TIAM1: variants seen among roughly 807,000 people sequenced by gnomAD.
The protein encoded by TIAM1 is rho guanine nucleotide exchange factor TIAM1.
TIAM1 carries 65 observed loss-of-function variants against 163.5 expected under a neutral mutation model. The observed-to-expected ratio is 0.40, with a 90% CI of 0.33 to 0.49. The LOEUF (loss-of-function observed/expected upper bound fraction) is 0.49, where lower values mean the gene tolerates loss of function less well. Ranked by LOEUF, TIAM1 falls within the 20% of genes least tolerant of loss-of-function variation. The probability of loss-of-function intolerance (pLI) is 0.77; values close to 1 mark genes in which losing one functional copy is unlikely to be tolerated. For synonymous variants in TIAM1, 833 were observed against 810.1 expected, an observed-to-expected ratio of 1.03 and a Z score of -0.48; for missense variants, 1,789 against 2,044.7, an observed-to-expected ratio of 0.87 and a Z score of 2.41.
chr21:31,552,543 G>C, intron 1 of TIAM1, among the ~76,000 whole-genome samples: 1 of 152,136 alleles, frequency 6.6e-6, no homozygotes, highest in Non-Finnish European at 1.5e-5. Context: ...GGAGGCCGGG[G>C]CAGGCAGATC....
chr21:31,383,321 G>C (rs2076810951), intron 2 of TIAM1, among the ~76,000 whole-genome samples: 1 of 152,268 alleles, frequency 6.6e-6, no homozygotes, highest in South Asian at 2.1e-4. Flanking sequence ...GCCCTGTCAT[G>C]ATCTAAACAT....
At chr21:31,125,330 C>G (rs139567492) in intron 26 of TIAM1, among the ~76,000 whole-genome samples, 369 of 151,962 alleles carry the variant, frequency 2.4e-3, no homozygotes, top group Middle Eastern at 0.014. Context: ...ACAATAAATA[C>G]GGCATCCGTG....
chr21:31,238,998 T>C (rs903887397), intron 6 of TIAM1, among the ~76,000 whole-genome samples: 3 of 152,216 alleles, frequency 2.0e-5, no homozygotes, highest in African/African-American at 7.2e-5. Flanking sequence ...TGGTATACAA[T>C]AAGGGCTAAG....
chr21:31,245,374 A>T (rs558645157), intron 6 of TIAM1, 114 bp downstream of exon 6: 25,596 of 186,436 alleles, frequency 0.14, 1,018 homozygotes, highest in East Asian at 0.39. Flanking sequence ...CTCACCACTA[A>T]AAAAAAAAAA....
chr21:31,234,757 G>A (rs1002153533), intron 6 of TIAM1, among the ~76,000 whole-genome samples: 2 of 141,598 alleles, frequency 1.4e-5, no homozygotes, highest in African/African-American at 5.3e-5. Context: ...ACTCCAGCCT[G>A]GGCGACAGAG....
Position 31,431,030 on chromosome 21 carries a change from T to G in TIAM1, c.-369+32953A>C, listed in dbSNP as rs1008360151. ...AGTAATAATAAGAACATAATGACAA[T>G]AATAATAATTCTCATCCCCAGAGGT... On this transcript the variant is annotated intron_variant, in intron 2 of 28. Coordinates refer to the TIAM1 transcript ENST00000286827. 3.3e-5 allele frequency among the ~76,000 whole-genome samples: 5 copies of G among 152,110 alleles called. No homozygotes were observed. The East Asian group carries it at 7.7e-4, about 23-fold the overall frequency.
chr21:31,228,364 T>C (rs1424860950), intron 6 of TIAM1, among the ~76,000 whole-genome samples: 1 of 150,962 alleles, frequency 6.6e-6, no homozygotes, highest in African/African-American at 2.4e-5. Context: ...AGTAAACTTG[T>C]ACAACTGCTT....
chr21:31,223,761 T>C (rs1004184519), intron 7 of TIAM1, among the ~76,000 whole-genome samples, 170 bp from the exon 8 acceptor site: 3 of 152,226 alleles, frequency 2.0e-5, no homozygotes, highest in Non-Finnish European at 4.4e-5. Flanking sequence ...GCAAGATCTA[T>C]AGCCATAAAT....
upstream of TIAM1, among the ~76,000 whole-genome samples, chr21:31,348,979 G>A (rs985869403): frequency 2.0e-5 from 3 of 152,262 alleles, no homozygotes; most frequent in African/African-American, 4.8e-5. Context: ...GCCAAAAAGA[G>A]GCCAGGAAAC....
chr21:31,438,129 G>A (rs189426971), intron 2 of TIAM1, among the ~76,000 whole-genome samples: 6 of 148,768 alleles, frequency 4.0e-5, no homozygotes, highest in East Asian at 2.0e-4. Flanking sequence ...GTCCCAAGAC[G>A]TGACCATGTT....
intron 15 of TIAM1, among the ~76,000 whole-genome samples, chr21:31,165,914 C>A (rs2084191824): frequency 6.6e-6 from 1 of 152,324 alleles, no homozygotes; most frequent in Non-Finnish European, 1.5e-5. Flanking sequence ...CCATGATATT[C>A]TGTGCAAAAG....
intron 2 of TIAM1, among the ~76,000 whole-genome samples, chr21:31,418,341 CA>C (rs71193114): frequency 0.15 from 5,231 of 34,606 alleles, 55 homozygotes; most frequent in African/African-American, 0.3. Context: ...GACTCTGTCT[CA>C]AAAAAAAAAA....
intron 2 of TIAM1, among the ~76,000 whole-genome samples, chr21:31,358,735 A>G (rs1285967454): frequency 1.3e-5 from 2 of 152,070 alleles, no homozygotes; most frequent in Non-Finnish European, 2.9e-5. Flanking sequence ...ATTCTCTACT[A>G]GATTACGACA....
chr21:31,152,571 G>C, intron 19 of TIAM1, 65 bp downstream of exon 19: 2 of 1,595,700 alleles, frequency 1.3e-6, no homozygotes, highest in South Asian at 2.3e-5. Context: ...ACATCAACAC[G>C]ATCAGGGGAT....
At chr21:31,259,906 C>T (rs990604346) in intron 4 of TIAM1, among the ~76,000 whole-genome samples, 9 of 151,638 alleles carry the variant, frequency 5.9e-5, no homozygotes, top group African/African-American at 2.2e-4. Context: ...GAAAACAATG[C>T]CTCTGTCCCA....
chr21:31,144,832 A>AG (rs2083032508), intron 20 of TIAM1, among the ~76,000 whole-genome samples: 1 of 101,910 alleles, frequency 9.8e-6, no homozygotes, highest in Admixed American at 9.6e-5. Context: ...CCATCTCAGA[A>AG]AAAAAAAAAA....
chr21:31,500,991 A>C (rs2046828747), intron 1 of TIAM1, among the ~76,000 whole-genome samples: 1 of 152,224 alleles, frequency 6.6e-6, no homozygotes, highest in Non-Finnish European at 1.5e-5. Context: ...TACAAAGGCA[A>C]CTAATAAATA....
chr21:31,125,602 T>C (rs2082167182), intron 26 of TIAM1, among the ~76,000 whole-genome samples: 2 of 152,126 alleles, frequency 1.3e-5, no homozygotes, highest in Non-Finnish European at 2.9e-5. Flanking sequence ...TGACACAGAG[T>C]CTCGCTCTGT....
chr21:31,296,145 T>G (rs970983588), intron 2 of TIAM1, among the ~76,000 whole-genome samples: 2 of 152,186 alleles, frequency 1.3e-5, no homozygotes, highest in African/African-American at 4.8e-5. Flanking sequence ...AGGAAAATAG[T>G]ATGATCATTT....
Sources: gnomAD v4.1 joint callset for allele counts (sites outside exome capture counted in the v4.1 genomes callset) on GRCh38, gnomAD v4.1.1 for gene constraint, MANE v1.5 for transcripts, NCBI Gene and HGNC (gene_info 2026-07-23, HGNC 2026-07-21) for gene names.